Variants in EXOC6B observed in about 807,000 individuals in gnomAD.
The protein encoded by EXOC6B is exocyst complex component 6B, also known as SEC15 homolog B.
A neutral mutation model predicts 113.5 loss-of-function variants in EXOC6B; 54 were observed. The observed-to-expected ratio is 0.48, with a 90% confidence interval of 0.38 to 0.60. EXOC6B has a LOEUF of 0.60. Ranked by LOEUF, EXOC6B falls within the 20% of genes least tolerant of loss-of-function variation. EXOC6B has a pLI of 0.00. For missense variants in EXOC6B, 797 were observed against 977.5 expected (o/e 0.82, Z 2.46); for synonymous variants, 357 against 339.0 (o/e 1.05, Z -0.58).
intron 20 of EXOC6B, among the ~76,000 whole-genome samples, chr2:72,215,583 G>A (rs947433468): frequency 6.6e-6 from 1 of 152,130 alleles, no homozygotes; most frequent in Non-Finnish European, 1.5e-5. Flanking sequence ...ACAGACAGGG[G>A]ACATGAGCTT....
At chr2:72,640,649 C>T (rs1673160102) in intron 6 of EXOC6B, among the ~76,000 whole-genome samples, 1 of 152,188 alleles carries the variant, frequency 6.6e-6, no homozygotes, top group African/African-American at 2.4e-5. Context: ...ATCAGACTAA[C>T]AGCACACATC....
intron 16 of EXOC6B, among the ~76,000 whole-genome samples, chr2:72,488,533 A>G (rs1354322749): frequency 6.6e-6 from 1 of 152,130 alleles, no homozygotes; most frequent in African/African-American, 2.4e-5. Flanking sequence ...CAAATTCCCA[A>G]TGTTCTCTCA....
chr2:72,203,094 C>T (rs974723217), intron 20 of EXOC6B, among the ~76,000 whole-genome samples: 2 of 152,224 alleles, frequency 1.3e-5, no homozygotes, highest in African/African-American at 4.8e-5. Flanking sequence ...AAACGTTCAG[C>T]AAATACTGGC....
chr2:72,791,380 C>CA (rs1684667919), intron 1 of EXOC6B, among the ~76,000 whole-genome samples: 2 of 151,976 alleles, frequency 1.3e-5, no homozygotes, highest in South Asian at 2.1e-4. Context: ...CGTGTTGCTA[C>CA]AAAAAAATAA....
intron 18 of EXOC6B, among the ~76,000 whole-genome samples, chr2:72,427,728 G>C (rs554728554): frequency 2.0e-5 from 3 of 152,294 alleles, no homozygotes; most frequent in Admixed American, 2.0e-4. Flanking sequence ...TGGTGGAAGG[G>C]GGCGGGACCC....
At chr2:72,685,027 G>T (rs1234346885) in intron 6 of EXOC6B, among the ~76,000 whole-genome samples, 1 of 152,132 alleles carries the variant, frequency 6.6e-6, no homozygotes, top group African/African-American at 2.4e-5. Flanking sequence ...CTAATATTAT[G>T]CATCCTGAAG....
chr2:72,313,992 T>C (rs867445376), intron 20 of EXOC6B, among the ~76,000 whole-genome samples: 11 of 151,996 alleles, frequency 7.2e-5, no homozygotes, highest in Admixed American at 3.3e-4. Flanking sequence ...GAGAACCACA[T>C]TGAGAAAGGG....
intron 6 of EXOC6B, among the ~76,000 whole-genome samples, chr2:72,660,429 G>A (rs879231737): frequency 6.6e-6 from 1 of 152,160 alleles, no homozygotes; most frequent in Non-Finnish European, 1.5e-5. Flanking sequence ...TGTGTCATCA[G>A]AATTTTGCTC....
At chr2:72,762,416 A>G (rs1439096744) in intron 1 of EXOC6B, among the ~76,000 whole-genome samples, 1 of 152,072 alleles carries the variant, frequency 6.6e-6, no homozygotes, top group Non-Finnish European at 1.5e-5. Flanking sequence ...AAAGAAAAAT[A>G]AACCTTAAAA....
intron 21 of EXOC6B, chr2:72,182,902 T>A: frequency 8.1e-7 from 1 of 1,231,206 alleles, no homozygotes; most frequent in Non-Finnish European, 1.0e-6. Flanking sequence ...ACTCTCTAGA[T>A]ATCCTAGGGC....
intron 20 of EXOC6B, among the ~76,000 whole-genome samples, chr2:72,291,210 G>A (rs886985165): frequency 6.6e-6 from 1 of 152,172 alleles, no homozygotes; most frequent in Admixed American, 6.5e-5. Flanking sequence ...AAACGTGCAA[G>A]TTTCTTGATT....
intron 6 of EXOC6B, among the ~76,000 whole-genome samples, chr2:72,577,559 T>C (rs1406730821): frequency 7.0e-6 from 1 of 142,620 alleles, no homozygotes; most frequent in Non-Finnish European, 1.5e-5. Flanking sequence ...CAATAAAATA[T>C]TGTCAGTGTT....
chr2:72,527,244 A>G (rs1701787885), intron 8 of EXOC6B, among the ~76,000 whole-genome samples: 3 of 152,014 alleles, frequency 2.0e-5, no homozygotes, highest in Admixed American at 2.0e-4. Context: ...ATCCAGTTAC[A>G]CTTTTTAAGT....
At chr2:72,675,181 C>T (rs1423896180) in intron 6 of EXOC6B, among the ~76,000 whole-genome samples, 1 of 152,200 alleles carries the variant, frequency 6.6e-6, no homozygotes, top group African/African-American at 2.4e-5. Context: ...AGGAATATCA[C>T]TAACTGGTTC....
chr2:72,218,433 T>C (rs944704593), intron 20 of EXOC6B, among the ~76,000 whole-genome samples: 3 of 152,228 alleles, frequency 2.0e-5, no homozygotes, highest in African/African-American at 7.2e-5. Flanking sequence ...TATGTGTGTG[T>C]GTGCATGTGT....
intron 20 of EXOC6B, among the ~76,000 whole-genome samples, chr2:72,221,060 C>T (rs768630937): frequency 1.3e-4 from 20 of 152,134 alleles, no homozygotes; most frequent in Non-Finnish European, 2.4e-4. Context: ...ATCTGTTGAA[C>T]GCTAGGTCTT....
chr2:72,533,294 C>A (rs1281335083), intron 8 of EXOC6B, among the ~76,000 whole-genome samples: 6 of 152,272 alleles, frequency 3.9e-5, no homozygotes, highest in African/African-American at 1.4e-4. Context: ...ACCTGCCCCT[C>A]CCCTCCTGAT....
At chr2:72,267,426 A>G (rs374238100) in intron 20 of EXOC6B, among the ~76,000 whole-genome samples, 5 of 152,214 alleles carry the variant, frequency 3.3e-5, no homozygotes, top group South Asian at 2.1e-4. Flanking sequence ...TTTGAGATAC[A>G]TCCCATCAAT....
intron 6 of EXOC6B, among the ~76,000 whole-genome samples, chr2:72,595,652 C>A (rs934407851): frequency 6.6e-6 from 1 of 151,760 alleles, no homozygotes; most frequent in South Asian, 2.1e-4. Flanking sequence ...AGAAGCAATA[C>A]CAAATTAGGG....
Sources: gnomAD v4.1 joint callset for allele counts (sites outside exome capture counted in the v4.1 genomes callset) on GRCh38, gnomAD v4.1.1 for gene constraint, MANE v1.5 for transcripts, NCBI Gene and HGNC (gene_info 2026-07-23, HGNC 2026-07-21) for gene names.